The following CPLANE1 variants were observed in gnomAD, a reference collection of about 807,000 sequenced individuals.
CPLANE1 encodes the protein ciliogenesis and planar polarity effector 1.
Under a neutral mutation model 362.5 loss-of-function variants are expected in CPLANE1, and 263 were observed. That is an observed-to-expected ratio of 0.73 (90% confidence interval 0.66 to 0.80). The LOEUF (loss-of-function observed/expected upper bound fraction) is 0.80, where lower values mean the gene tolerates loss of function less well. CPLANE1 is among the 30% of genes least tolerant of loss of function. The pLI is 0.00. For synonymous variants in CPLANE1, 1,212 were observed against 1,302.6 expected (o/e 0.93, Z 1.50); for missense variants, 3,461 against 3,793.4 (o/e 0.91, Z 2.30).
chr5:37,212,284 T>C (rs1334203560), intron 16 of CPLANE1: 3 of 1,226,434 alleles, frequency 2.4e-6, no homozygotes, highest in South Asian at 2.4e-5. Flanking sequence ...TCAAAAAAGA[T>C]GGTCCAGGAA....
At chr5:37,088,458 A>G in the CPLANE1 span, among the ~76,000 whole-genome samples, 1 of 152,204 alleles carries the variant, frequency 6.6e-6, no homozygotes, top group East Asian at 1.9e-4. Flanking sequence ...AGGTCATATG[A>G]AGAGGGAATG....
intron 5 of CPLANE1, among the ~76,000 whole-genome samples, chr5:37,243,840 T>A (rs1375454132): frequency 6.9e-6 from 1 of 143,984 alleles, no homozygotes; most frequent in Non-Finnish European, 1.5e-5. Flanking sequence ...TACGTGTATA[T>A]ATATTATATA....
At chr5:37,138,638 C>T (rs1054338665) in intron 46 of CPLANE1, 82 bp downstream of exon 46, 4 of 1,432,032 alleles carry the variant, frequency 2.8e-6, no homozygotes, top group African/African-American at 2.9e-5. Context: ...TCATAAAAAT[C>T]ACATTAAAAT....
At chr5:37,095,025 TC>T in the CPLANE1 span, among the ~76,000 whole-genome samples, 1 of 152,074 alleles carries the variant, frequency 6.6e-6, no homozygotes, top group Non-Finnish European at 1.5e-5. Context: ...TTGGCACCAA[TC>T]CTATTGACAC....
intron 31 of CPLANE1, among the ~76,000 whole-genome samples, chr5:37,174,789 T>A (rs1403668619): frequency 6.6e-6 from 1 of 152,222 alleles, no homozygotes; most frequent in Non-Finnish European, 1.5e-5. Context: ...TTATCGAGCA[T>A]CTTAACACAC....
Position 37,134,794 on chromosome 5 carries a change from C to CTT in CPLANE1, c.8792+3924_8792+3925dup, listed in dbSNP as rs372028750. Among the ~76,000 whole-genome samples the CTT allele has an allele frequency of 2.1e-3, 276 of 133,088 alleles. 2 individuals carry two copies. The highest frequency in any genetic ancestry group is 5.2e-3 in the African/African-American group (189 of 36,252). The allele number at this position is 133,088 out of a possible 152,430, so 87.3% of individuals were successfully genotyped here. A position where few individuals can be genotyped will look rare whatever the true frequency, so the allele number is the denominator to read the frequency against. On this transcript the variant is annotated intron_variant, in intron 46 of 52. Coordinates refer to ENST00000651892, the MANE Select transcript of CPLANE1 (RefSeq NM_001384732.1). ...GGTGTTTAGTGCTATAAACTTTCCA[C>CTT]TTTTTTTTTTTTTTTTTTGAGAAAG...
Position 37,169,057 on chromosome 5 carries a change from G to A in CPLANE1, c.6967C>T (p.Gln2323Ter), listed in dbSNP as rs747892965. ...TCCTGTTGAGGTGTCAAATTTTCTT[G>A]TCCAACATATTGATCCAAGTTCACA... ...NHVNLDQYVG[Q>*]ENLTPQQDSS... The change falls in exon 34 of 53, where the codon CAA (glutamine) becomes TAA (stop). Residue 2323 changes from glutamine to a stop codon, truncating the protein, a stop_gained. Transcript: ENST00000651892. LOFTEE classifies it high-confidence loss of function. 1.9e-6 allele frequency: 3 copies of A among 1,614,058 alleles called. No homozygotes were observed. The highest frequency in any genetic ancestry group is 1.7e-5 in the Admixed American group (1 of 59,998).
chr5:37,118,630 T>C (rs1289377106), intron 50 of CPLANE1, among the ~76,000 whole-genome samples: 1 of 152,168 alleles, frequency 6.6e-6, no homozygotes, highest in Non-Finnish European at 1.5e-5. Flanking sequence ...TTCCTTGTCT[T>C]TAAAGTGGGA....
chr5:37,248,913 C>A (rs1740764123), intron 1 of CPLANE1, among the ~76,000 whole-genome samples: 1 of 152,236 alleles, frequency 6.6e-6, no homozygotes, highest in Non-Finnish European at 1.5e-5. Context: ...TCCTCCGGAT[C>A]CTGCTCGAGA....
intron 19 of CPLANE1, among the ~76,000 whole-genome samples, chr5:37,200,911 C>A (rs1298996685): frequency 6.6e-6 from 1 of 152,142 alleles, no homozygotes; most frequent in African/African-American, 2.4e-5. Flanking sequence ...ACAACCTCTA[C>A]CTCCCGGGCT....
rs1418261175 is a variant in CPLANE1, at chr5:37,168,980, G to C, written c.7044C>G (p.Thr2348=). ...PEKLFDVKPG[T]LEISPHHSFG... ...AGGAATGGTGAGGAGATATCTCAAG[G>C]GTCCCTGGCTTAACATCAAATAGTT... The change falls in exon 34 of 53, where the codon ACC becomes ACG. Residue 2348 remains threonine (T), a synonymous_variant. Transcript: ENST00000651892. The C allele has an allele frequency of 1.2e-6, 2 of 1,614,116 alleles. No individual in the cohort carries two copies. The highest frequency in any genetic ancestry group is 1.3e-5 in the African/African-American group (1 of 75,024).
intron 38 of CPLANE1, among the ~76,000 whole-genome samples, chr5:37,159,274 G>T (rs928047646): frequency 3.4e-5 from 5 of 145,608 alleles, no homozygotes; most frequent in African/African-American, 1.3e-4. Flanking sequence ...ACCGCGCCCG[G>T]CTAATTTTTT....
intron 46 of CPLANE1, among the ~76,000 whole-genome samples, chr5:37,132,792 T>C (rs1766355534): frequency 6.6e-6 from 1 of 152,220 alleles, no homozygotes; most frequent in African/African-American, 2.4e-5. Flanking sequence ...ATCCCACTTG[T>C]CAATTTTTGT....
At chr5:37,149,132 A>G (rs1303361678) in intron 42 of CPLANE1, among the ~76,000 whole-genome samples, 1 of 152,094 alleles carries the variant, frequency 6.6e-6, no homozygotes, top group African/African-American at 2.4e-5. Flanking sequence ...CAAAGTGGTC[A>G]TTTTAGAAGA....
At position 37,167,213 on chromosome 5, in the gene CPLANE1, A is replaced by G. The variant is rs1471004012; in HGVS notation, c.7234T>C (p.Cys2412Arg). 6.2e-7 allele frequency: 1 copy of G among 1,603,110 alleles called. No individual in the cohort carries two copies. Reference protein sequence around the residue: ...LHSHLSPENRCKKTQLIPLEN... With the variant: ...LHSHLSPENRRKKTQLIPLEN... ...AGTGGGATAAGTTGTGTTTTTTTGC[A>G]CTACAAGAAAGAAACAAAGCATAAG... Residue 2412 changes from cysteine (C) to arginine (R), a missense_variant and splice_region_variant, in exon 35 of 53, where the codon TGC (cysteine) becomes CGC (arginine). Around this residue, in one of 2 missense-constraint regions of CPLANE1, gnomAD observed 3,380 missense variants for 3,666.1 expected, o/e 0.92. Transcript: ENST00000651892.
At chr5:37,205,697 A>T (rs1361253532) in intron 17 of CPLANE1, among the ~76,000 whole-genome samples, 1 of 152,308 alleles carries the variant, frequency 6.6e-6, no homozygotes, top group South Asian at 2.1e-4. Context: ...TTACTAACAC[A>T]TAAGTGTGCT....
chr5:37,178,117 ACT>A (rs913324919), intron 29 of CPLANE1, among the ~76,000 whole-genome samples: 16 of 152,052 alleles, frequency 1.1e-4, no homozygotes, highest in Admixed American at 7.2e-4. Context: ...ACATGGTGAA[ACT>A]CTGTCTCTAT....
At chr5:37,119,486 C>T (rs2150053979) in intron 50 of CPLANE1, among the ~76,000 whole-genome samples, 1 of 151,896 alleles carries the variant, frequency 6.6e-6, no homozygotes, top group African/African-American at 2.4e-5. Context: ...GCCTCACCAA[C>T]ATGGAGAAAC....
intron 37 of CPLANE1, among the ~76,000 whole-genome samples, chr5:37,162,805 G>A (rs1197280278): frequency 6.6e-6 from 1 of 151,972 alleles, no homozygotes; most frequent in African/African-American, 2.4e-5. Context: ...TCAGCCTCCT[G>A]AGTAGCTGGG....
Sources: allele counts gnomAD v4.1 joint callset (sites outside exome capture counted in the v4.1 genomes callset), GRCh38; gene constraint gnomAD v4.1.1; regional missense constraint gnomAD v4.1.1; transcripts MANE v1.5; gene names NCBI Gene and HGNC (gene_info 2026-07-23, HGNC 2026-07-21).